The following TBC1D22A variants were observed in gnomAD, a reference collection of about 807,000 sequenced individuals.
TBC1D22A encodes the protein putative GTPase activator.
Under a neutral mutation model 60.2 loss-of-function variants are expected in TBC1D22A, and 38 were observed. The observed-to-expected ratio is 0.63, with a 90% CI of 0.49 to 0.83. The LOEUF (loss-of-function observed/expected upper bound fraction) is 0.83. TBC1D22A is among the 40% of genes least tolerant of loss of function. The pLI, the probability that TBC1D22A is intolerant of heterozygous loss-of-function variation, is 0.00. For missense variants in TBC1D22A, 628 were observed against 701.0 expected (o/e 0.90, Z 1.18); for synonymous variants, 302 against 281.7 (o/e 1.07, Z -0.72).
chr22:46,788,785 T>C (rs543528645), intron 1 of TBC1D22A, among the ~76,000 whole-genome samples: 11 of 152,360 alleles, frequency 7.2e-5, no homozygotes, highest in South Asian at 4.1e-4. Context: ...TCTGAAATCA[T>C]ATATTTCTCC....
intron 8 of TBC1D22A, among the ~76,000 whole-genome samples, chr22:46,948,608 G>A (rs1169079082): frequency 6.6e-6 from 1 of 152,234 alleles, no homozygotes; most frequent in African/African-American, 2.4e-5. Context: ...GCAATGGTTT[G>A]TGCTCAGCTT....
chr22:46,874,786 C>T (rs1335257604), intron 4 of TBC1D22A, among the ~76,000 whole-genome samples: 1 of 151,960 alleles, frequency 6.6e-6, no homozygotes, highest in Non-Finnish European at 1.5e-5. Flanking sequence ...GTTGCCCAGG[C>T]TGGTCTCGAA....
intron 12 of TBC1D22A, among the ~76,000 whole-genome samples, chr22:47,157,370 T>C (rs961650543): frequency 6.6e-6 from 1 of 152,224 alleles, no homozygotes; most frequent in Non-Finnish European, 1.5e-5. Flanking sequence ...GACTGCAGAC[T>C]CTGACACCGC....
intron 12 of TBC1D22A, among the ~76,000 whole-genome samples, chr22:47,121,176 C>T (rs946884058): frequency 6.6e-6 from 1 of 152,212 alleles, no homozygotes; most frequent in Admixed American, 6.5e-5. Context: ...AGTAAAGAAT[C>T]GAAAATGGAA....
intron 12 of TBC1D22A, among the ~76,000 whole-genome samples, chr22:47,139,137 G>T (rs1241002152): frequency 2.0e-5 from 3 of 152,230 alleles, no homozygotes; most frequent in African/African-American, 7.2e-5. Flanking sequence ...CTGAGCCTTT[G>T]CGGGAGGGTG....
chr22:46,856,287 A>C (rs572239095), intron 4 of TBC1D22A, among the ~76,000 whole-genome samples: 5 of 152,218 alleles, frequency 3.3e-5, no homozygotes, highest in Middle Eastern at 3.2e-3. Flanking sequence ...TGCTGAAGCC[A>C]ATCTTGTTAT....
rs942256195 is a variant in TBC1D22A, at chr22:47,031,612, G to C, written c.1202-5459G>C. Among the ~76,000 whole-genome samples the C allele has an allele frequency of 8.5e-5, 13 of 152,312 alleles. 1 individual carries two copies. Among genetic ancestry groups the C allele is most frequent in the African/African-American group, 2.6e-4 (11 of 41,572 alleles). On this transcript the variant is annotated intron_variant, in intron 10 of 12. Coordinates refer to ENST00000337137, the MANE Select transcript of TBC1D22A (RefSeq NM_014346.5). ...AGATGCAAGGGTGGGTCCATGCTCA[G>C]CTCTGGTGGTGTGGGGTCGTTTCAA...
rs73482698 is a variant in TBC1D22A, at chr22:46,985,094, C to T, written c.1125+10695C>T. 2.6e-5 allele frequency among the ~76,000 whole-genome samples: 4 copies of T among 152,112 alleles called. No individual in the cohort carries two copies. The South Asian group carries it at 6.2e-4, about 24-fold the overall frequency. ...CTGGAACTTAGAATGGACTAAGCCC[C>T]GGGGATGTTGTTATCTGAAAGAGAA... is the stretch of plus-strand genomic sequence containing the variant. On this transcript the variant is annotated intron_variant, in intron 9 of 12. Transcript: ENST00000337137.
At chr22:46,899,371 C>T (rs893212696) in intron 7 of TBC1D22A, among the ~76,000 whole-genome samples, 21 of 151,686 alleles carry the variant, frequency 1.4e-4, no homozygotes, top group Admixed American at 7.2e-4. Flanking sequence ...TGCTTGAACT[C>T]GGGAGGTGGA....
At chr22:46,810,132 A>G (rs1192533902) in intron 4 of TBC1D22A, among the ~76,000 whole-genome samples, 1 of 152,172 alleles carries the variant, frequency 6.6e-6, no homozygotes, top group African/African-American at 2.4e-5. Flanking sequence ...AGGAGGGAGG[A>G]ATGCTCTGGG....
intron 10 of TBC1D22A, among the ~76,000 whole-genome samples, chr22:47,029,112 G>A (rs2062364489): frequency 6.6e-6 from 1 of 152,028 alleles, no homozygotes. Context: ...CAGGTTAGGG[G>A]GACCAGCCAA....
At chr22:47,072,091 C>G (rs2064017036) in intron 11 of TBC1D22A, among the ~76,000 whole-genome samples, 1 of 152,182 alleles carries the variant, frequency 6.6e-6, no homozygotes, top group South Asian at 2.1e-4. Flanking sequence ...TCTAGCAGCC[C>G]TCCGAGTGTG....
Position 47,104,939 on chromosome 22 carries a change from C to G in TBC1D22A, c.1330-6569C>G, listed in dbSNP as rs140117048. Among the ~76,000 whole-genome samples, 616 of 152,054 alleles carry G rather than the reference C, an allele frequency of 4.1e-3. 3 individuals carry two copies. The highest frequency in any genetic ancestry group is 0.011 in the African/African-American group (447 of 41,466). Reference sequence around the variant, plus strand: ...CTGCTGCCACCTTTCACTTGTCCCCCCTTTCTGGACCAAACCAGTGTATTT... The same window carrying G: ...CTGCTGCCACCTTTCACTTGTCCCCGCTTTCTGGACCAAACCAGTGTATTT... On this transcript the variant is annotated intron_variant, in intron 11 of 12. Transcript: ENST00000337137.
intron 11 of TBC1D22A, among the ~76,000 whole-genome samples, chr22:47,106,594 CA>C (rs2065641296): frequency 6.6e-6 from 1 of 151,752 alleles, no homozygotes; most frequent in South Asian, 2.1e-4. Context: ...GGTTTACAAC[CA>C]AAAGACCCTA....
chr22:47,050,583 G>A (rs1569389126), intron 11 of TBC1D22A, among the ~76,000 whole-genome samples: 1 of 152,208 alleles, frequency 6.6e-6, no homozygotes, highest in Non-Finnish European at 1.5e-5. Flanking sequence ...GACCGCGTGT[G>A]AGGCCTCTCC....
chr22:46,901,839 T>G (rs1443126350), intron 7 of TBC1D22A, among the ~76,000 whole-genome samples: 2 of 152,206 alleles, frequency 1.3e-5, no homozygotes, highest in Non-Finnish European at 2.9e-5. Context: ...AATTCTCTAT[T>G]TTGCTCCTCT....
intron 8 of TBC1D22A, among the ~76,000 whole-genome samples, chr22:46,942,891 A>G (rs1486412068): frequency 6.6e-6 from 1 of 152,196 alleles, no homozygotes; most frequent in Admixed American, 6.5e-5. Context: ...GGGCTTGACT[A>G]GGAGAGAAAT....
intron 4 of TBC1D22A, among the ~76,000 whole-genome samples, chr22:46,854,958 A>G (rs968522288): frequency 2.6e-5 from 4 of 152,336 alleles, no homozygotes; most frequent in South Asian, 2.1e-4. Context: ...GAATACTCCA[A>G]TGACACAATA....
chr22:46,908,528 C>A (rs551741191), intron 7 of TBC1D22A, among the ~76,000 whole-genome samples: 37 of 152,224 alleles, frequency 2.4e-4, no homozygotes, highest in Non-Finnish European at 5.1e-4. Context: ...CAGCGGACAT[C>A]AAGCCGAGTT....
Sources: allele counts gnomAD v4.1 joint callset (sites outside exome capture counted in the v4.1 genomes callset), GRCh38; gene constraint gnomAD v4.1.1; transcripts MANE v1.5; gene names NCBI Gene and HGNC (gene_info 2026-07-23, HGNC 2026-07-21).